The following SRCAP variants were observed in gnomAD, a reference collection of about 807,000 sequenced individuals.
SRCAP encodes chromatin remodeling protein SRCAP.
In SRCAP, 46 loss-of-function variants were observed where a neutral mutation model predicts 263.1. The ratio of observed to expected loss-of-function variants is 0.17; its 90% confidence interval spans 0.14 to 0.22. The LOEUF (loss-of-function observed/expected upper bound fraction) is 0.22, where lower values mean the gene tolerates loss of function less well. Among genes scored for constraint, SRCAP ranks in the 10% least tolerant of loss-of-function variants. The probability of loss-of-function intolerance (pLI) is 1.00; values close to 1 mark genes in which losing one functional copy is unlikely to be tolerated. For synonymous variants in SRCAP, 1,813 were observed against 1,662.1 expected, an observed-to-expected ratio of 1.09 and a Z score of -2.21; for missense variants, 3,695 against 4,181.9, an observed-to-expected ratio of 0.88 and a Z score of 3.21.
chr16:30,704,962 G>A (rs974007042), intron 4 of SRCAP, among the ~76,000 whole-genome samples: 4 of 152,168 alleles, frequency 2.6e-5, no homozygotes, highest in Non-Finnish European at 5.9e-5. Flanking sequence ...GGTAAGTGTG[G>A]TCTCTGGGCC....
rs867688461 is a variant in SRCAP at position 30,735,240 on chromosome 16, G to A, written c.6729+625G>A. ...CGGCTCACTGCAAGCTCCGCCTCCCGGGTTCACGCCATTCTCCTGCCTCAG... is the reference window on the plus strand; with the variant it reads ...CGGCTCACTGCAAGCTCCGCCTCCCAGGTTCACGCCATTCTCCTGCCTCAG... On this transcript the variant is annotated intron_variant, in intron 31 of 33. Coordinates refer to ENST00000262518, the MANE Select transcript of SRCAP (RefSeq NM_006662.3). Among the ~76,000 whole-genome samples the A allele has an allele frequency of 2.2e-3, 312 of 142,714 alleles. 1 individual carries two copies. The highest frequency in any genetic ancestry group is 8.0e-3 in the African/African-American group (297 of 37,012). The allele number at this position is 142,714 out of a possible 152,430, so 93.6% of individuals were successfully genotyped here. A position where few individuals can be genotyped will look rare whatever the true frequency, so the allele number is the denominator to read the frequency against.
intron 31 of SRCAP, 148 bp from the exon 32 acceptor site, chr16:30,736,049 TGTG>T: frequency 3.8e-6 from 3 of 779,644 alleles, no homozygotes; most frequent in Admixed American, 2.9e-5. Context: ...ACTGAGTTGT[TGTG>T]GTAACTCTGG....
Position 30,713,310 on chromosome 16 carries a change from C to T in SRCAP, c.2233C>T (p.Leu745=), listed in dbSNP as rs977546988. The change falls in exon 15 of 34, where the codon CTG becomes TTG. Residue 745 remains leucine (L), a synonymous_variant. Transcript: ENST00000262518. ...TCGCAAGAACTGGCGCTATCTCATT[C>T]TGGATGAGGCGCAGAACATCAAGAA... ...FRRKNWRYLI[L]DEAQNIKNFK... The T allele has an allele frequency of 6.2e-7, 1 of 1,614,152 alleles. No individual in the cohort carries two copies. The highest frequency in any genetic ancestry group is 8.5e-7 in the Non-Finnish European group (1 of 1,180,040).
At chr16:30,727,449 G>A (rs979331814) in intron 25 of SRCAP, among the ~76,000 whole-genome samples, 4 of 152,152 alleles carry the variant, frequency 2.6e-5, no homozygotes, top group Non-Finnish European at 5.9e-5. Flanking sequence ...CTAGAGTGCA[G>A]TGGCACAGTC....
At position 30,712,164 on chromosome 16, in the gene SRCAP, C is replaced by T. The variant is rs776555241; in HGVS notation, c.1815+7C>T. 6.2e-7 allele frequency: 1 copy of T among 1,611,232 alleles called. No individual in the cohort carries two copies. Among genetic ancestry groups the T allele is most frequent in the East Asian group, 2.2e-5 (1 of 44,822 alleles). ...CACGCTGGCCACGACCCAGGTATCC[C>T]CAGGTTCTGGCCTCTCCTTTCTCAT... On this transcript the variant is annotated splice_region_variant and intron_variant, in intron 12 of 33. Coordinates refer to ENST00000262518, the MANE Select transcript of SRCAP (RefSeq NM_006662.3).
Position 30,723,720 on chromosome 16 carries a change from A to G in SRCAP, c.4296A>G (p.Ser1432=), listed in dbSNP as rs772571597. Residue 1432 remains serine, a synonymous_variant, in exon 25 of 34, where the codon TCA becomes TCG. Coordinates refer to ENST00000262518, the MANE Select transcript of SRCAP (RefSeq NM_006662.3). ...CTAGTCCTGTGTCCTCTACAGTCTC[A>G]GTTCCATTGTCATCTTCACTCCCCA... ...PLASPVSSTV[S]VPLSSSLPIS... 1 of 1,613,804 alleles carries G rather than the reference A, an allele frequency of 6.2e-7. No homozygotes were observed. The highest frequency in any genetic ancestry group is 1.1e-5 in the South Asian group (1 of 91,066).
At position 30,739,933 on chromosome 16, in the gene SRCAP, C is replaced by G; in HGVS notation, c.*200C>G. The G allele has an allele frequency of 1.2e-6, 1 of 818,884 alleles. No homozygotes were observed. The highest frequency in any genetic ancestry group is 1.7e-6 in the Non-Finnish European group (1 of 575,130). 50.7% of individuals were successfully genotyped at this position (818,884 alleles called of 1,614,324 possible). ...GGATCATCACAGTCCCCTTCCCCTT[C>G]ACCCCACGTGGCTGGGCAGTGTTAA... On this transcript the variant is annotated 3_prime_UTR_variant, in exon 34 of 34. Coordinates refer to ENST00000262518, the MANE Select transcript of SRCAP (RefSeq NM_006662.3).
chr16:30,721,955 G>A (rs1040995678), intron 21 of SRCAP, among the ~76,000 whole-genome samples, 167 bp from the exon 22 acceptor site: 2 of 152,180 alleles, frequency 1.3e-5, no homozygotes, highest in African/African-American at 4.8e-5. Context: ...CACATGAAAA[G>A]CTCAAAGGCT....
chr16:30,720,298 C>T lies in SRCAP; in HGVS notation c.2954C>T (p.Pro985Leu), dbSNP rs752554947. The T allele has an allele frequency of 6.2e-7, 1 of 1,614,042 alleles. No individual in the cohort carries two copies. Among genetic ancestry groups the T allele is most frequent in the Non-Finnish European group, 8.5e-7 (1 of 1,179,920 alleles). ...LEVATAPDPP[P>L]RPKPVKMKVN... ...GTGGCTACTGCTCCTGACCCCCCAC[C>T]CCGGCCCAAGCCAGTCAAGATGAAG... is the stretch of plus-strand genomic sequence containing the variant. Residue 985 changes from proline to leucine, a missense_variant, in exon 19 of 34, where the codon CCC (proline) becomes CTC (leucine). Physicochemically the swap from Pro to Leu is moderately conservative, Grantham distance 98. Transcript: ENST00000262518.
rs2052967520 is a variant in SRCAP, at chr16:30,717,773, TAAC to T, written c.2817+1295_2817+1297del. Among the ~76,000 whole-genome samples the T allele has an allele frequency of 2.6e-5, 4 of 152,052 alleles. No individual in the cohort carries two copies. In the South Asian group the frequency reaches 8.3e-4, roughly 32 times the overall value. ...ACAGGCACGCACCACCACACCCAGCTAACTTTTGTGTTTTTAGTAGAGATGGGG... is the reference window on the plus strand; with the variant it reads ...ACAGGCACGCACCACCACACCCAGCTTTTTGTGTTTTTAGTAGAGATGGGG... On this transcript the variant is annotated intron_variant, in intron 18 of 33. Transcript: ENST00000262518.
chr16:30,710,161 A>AG (rs767759444), intron 8 of SRCAP, 33 bp downstream of exon 8: 3 of 1,596,612 alleles, frequency 1.9e-6, no homozygotes, highest in East Asian at 2.2e-5. Flanking sequence ...GAGGGTTCAG[A>AG]GGGGGAACAG....
chr16:30,733,706 T>A lies in SRCAP; in HGVS notation c.6402T>A (p.Val2134=). The A allele has an allele frequency of 6.2e-7, 1 of 1,614,116 alleles. No homozygotes were observed. Among genetic ancestry groups the A allele is most frequent in the Non-Finnish European group, 8.5e-7 (1 of 1,180,026 alleles). Residue 2134 remains valine (V), a synonymous_variant, in exon 29 of 34, where the codon GTT becomes GTA. Transcript: ENST00000262518. This position sits in a 1 kb window ranked among gnomAD's most constrained non-coding sequence, Gnocchi z 5.3. Reference sequence around the variant, plus strand: ...ACCTGACAGGAGCAGACACTGTTGTTTTTTATGACAGCGACTGGAATCCCA... The same window carrying A: ...ACCTGACAGGAGCAGACACTGTTGTATTTTATGACAGCGACTGGAATCCCA... ...GVNLTGADTV[V]FYDSDWNPTM...
chr16:30,736,624 A>C lies in SRCAP; in HGVS notation c.7008A>C (p.Glu2336Asp), dbSNP rs766798258. 4.3e-6 allele frequency: 7 copies of C among 1,614,016 alleles called. No individual in the cohort carries two copies. Among genetic ancestry groups the C allele is most frequent in the Non-Finnish European group, 5.9e-6 (7 of 1,179,998 alleles). The change falls in exon 33 of 34, where the codon GAA (glutamate) becomes GAC (aspartate). Residue 2336 changes from glutamate (E) to aspartate (D), a missense_variant and splice_region_variant. Physicochemically the swap from Glu to Asp is conservative, Grantham distance 45. Coordinates refer to ENST00000262518, the MANE Select transcript of SRCAP (RefSeq NM_006662.3). Reference sequence around the variant, plus strand: ...GCCGAGAGGAGCTCAAACAGGCAGAAGTGAGTATTTCCAGGGGTGGGGCTG... The same window carrying C: ...GCCGAGAGGAGCTCAAACAGGCAGACGTGAGTATTTCCAGGGGTGGGGCTG... ...EVSREELKQA[E>D]EQVEAARKDL...
At chr16:30,719,130 A>G (rs972755529) in intron 18 of SRCAP, among the ~76,000 whole-genome samples, 1 of 149,830 alleles carries the variant, frequency 6.7e-6, no homozygotes, top group African/African-American at 2.5e-5. Flanking sequence ...TCCTGGCCTC[A>G]AGTGATCTGC....
intron 26 of SRCAP, 49 bp from the exon 27 acceptor site, chr16:30,729,321 G>C: frequency 6.2e-7 from 1 of 1,609,916 alleles, no homozygotes; most frequent in Non-Finnish European, 8.5e-7. Context: ...TAACTTCTGG[G>C]GCATTTCAGA....
chr16:30,722,793 C>A, intron 23 of SRCAP, 45 bp downstream of exon 23: 1 of 1,577,896 alleles, frequency 6.3e-7, no homozygotes, highest in Non-Finnish European at 8.6e-7. Context: ...GGCCTTGGTC[C>A]TTCCAGGCAT....
In SRCAP at chr16:30,722,264, G is replaced by A. The variant is rs747595044; in HGVS notation, c.3684G>A (p.Val1228=). Reference sequence around the variant, plus strand: ...GTGCCCAGGTGCGCCAGCTTGCTGTGGGGCAGCCCCGCCCGCTGCAAAGTA... The same window carrying A: ...GTGCCCAGGTGCGCCAGCTTGCTGTAGGGCAGCCCCGCCCGCTGCAAAGTA... ...LTGAQVRQLA[V]GQPRPLQRNV... Residue 1228 remains valine (V), a synonymous_variant, in exon 22 of 34, where the codon GTG becomes GTA. Transcript: ENST00000262518. The A allele has an allele frequency of 1.9e-6, 3 of 1,613,898 alleles. No individual in the cohort carries two copies. Among genetic ancestry groups the A allele is most frequent in the East Asian group, 4.5e-5 (2 of 44,892 alleles).
chr16:30,733,580 C>G lies in SRCAP; in HGVS notation c.6298-22C>G. On this transcript the variant is annotated intron_variant, in intron 28 of 33. Transcript: ENST00000262518. The surrounding 1 kb of genome is among the most constrained non-coding windows in gnomAD (Gnocchi z 5.3). ...TGGGGGATAAGTCTCCCAGTATCAT[C>G]TTTTTTTCCCTTTCCTTCTAGGCCT... is the stretch of plus-strand genomic sequence containing the variant. 6.2e-7 allele frequency: 1 copy of G among 1,605,724 alleles called. No homozygotes were observed. Among genetic ancestry groups the G allele is most frequent in the Non-Finnish European group, 8.5e-7 (1 of 1,174,236 alleles).
At chr16:30,712,653 C>T (rs373181332) in intron 13 of SRCAP, 26 bp from the exon 14 acceptor site, 16 of 1,613,624 alleles carry the variant, frequency 9.9e-6, no homozygotes, top group Middle Eastern at 1.6e-4. Context: ...CATTTCCTTA[C>T]CATCTCTGAT....
Sources: allele counts gnomAD v4.1 joint callset (sites outside exome capture counted in the v4.1 genomes callset), GRCh38; gene constraint gnomAD v4.1.1; non-coding constraint Gnocchi (gnomAD v3.1); transcripts MANE v1.5; gene names NCBI Gene and HGNC (gene_info 2026-07-23, HGNC 2026-07-21).